TBCD: variants seen among roughly 807,000 people sequenced by gnomAD.
TBCD encodes the protein tubulin folding cofactor D.
In TBCD, 105 loss-of-function variants were observed where a neutral mutation model predicts 169.3. The ratio of observed to expected loss-of-function variants is 0.62; its 90% CI spans 0.53 to 0.73. The LOEUF (loss-of-function observed/expected upper bound fraction) is 0.73, where lower values mean the gene tolerates loss of function less well. Ranked by LOEUF, TBCD falls within the 30% of genes least tolerant of loss-of-function variation. The pLI is 0.00. For missense variants in TBCD, 1,444 were observed against 1,600.1 expected, an observed-to-expected ratio of 0.90 and a Z score of 1.66; for synonymous variants, 700 against 643.9, an observed-to-expected ratio of 1.09 and a Z score of -1.32.
intron 13 of TBCD, among the ~76,000 whole-genome samples, chr17:82,817,455 C>T (rs2052017924): frequency 6.6e-6 from 1 of 152,182 alleles, no homozygotes; most frequent in South Asian, 2.1e-4. Flanking sequence ...TGCCACCATG[C>T]CCAGCTAATT....
At position 82,889,537 on chromosome 17, in the gene TBCD, C is replaced by T. The variant is rs1203156047; in HGVS notation, c.1534-131C>T. 19 of 1,097,138 alleles carry T rather than the reference C, an allele frequency of 1.7e-5. No individual in the cohort carries two copies. The highest frequency in any genetic ancestry group is 2.5e-5 in the Non-Finnish European group (19 of 745,518). 68.0% of individuals were successfully genotyped at this position (1,097,138 alleles called of 1,614,324 possible). On this transcript the variant is annotated intron_variant, in intron 15 of 38. Coordinates refer to ENST00000355528, the MANE Select transcript of TBCD (RefSeq NM_005993.5). This position sits in a 1 kb window ranked among gnomAD's most constrained non-coding sequence, Gnocchi z 5.3. Reference sequence around the variant, plus strand: ...GACGCACCTTGAGGCTCTGTTCAGCCAACAATGAGGGCTTTTATTTAAAAA... The same window carrying T: ...GACGCACCTTGAGGCTCTGTTCAGCTAACAATGAGGGCTTTTATTTAAAAA...
At chr17:82,809,642 G>A (rs931183549) in intron 11 of TBCD, 66 bp from the exon 12 acceptor site, 87 of 1,525,584 alleles carry the variant, frequency 5.7e-5, no homozygotes, top group Non-Finnish European at 7.4e-5. Context: ...CCATTCACAC[G>A]TGTCACGCAT....
intron 16 of TBCD, among the ~76,000 whole-genome samples, chr17:82,892,072 C>G (rs1288239919): frequency 6.6e-6 from 1 of 152,152 alleles, no homozygotes. Context: ...CTCAGGGCAG[C>G]TGAGCCCGCT....
chr17:82,808,404 A>G (rs1335356876), intron 11 of TBCD, among the ~76,000 whole-genome samples: 2 of 100,174 alleles, frequency 2.0e-5, no homozygotes, highest in Non-Finnish European at 3.9e-5. Context: ...CCTGCTGTGG[A>G]GAGGATGAGG....
At chr17:82,859,581 G>A (rs1341728617) in intron 13 of TBCD, 1 of 985,338 alleles carries the variant, frequency 1.0e-6, no homozygotes, top group Non-Finnish European at 1.2e-6. Context: ...TTGCTCTGTG[G>A]TTTCCGGCAC....
rs567137537 is a variant in TBCD, at chr17:82,755,418, A to G, written c.185-747A>G. Among the ~76,000 whole-genome samples, 22 of 152,378 alleles carry G rather than the reference A, an allele frequency of 1.4e-4. No individual in the cohort carries two copies. In the South Asian group the frequency reaches 1.9e-3, roughly 13 times the overall value. On this transcript the variant is annotated intron_variant, in intron 1 of 38. Transcript: ENST00000355528. ...TTTTCCCAGCAAGAGACAACTTAGC[A>G]GAACCATTTCAAAATATGTCAAATA... is the stretch of plus-strand genomic sequence containing the variant.
rs759802666 is a variant in TBCD, at chr17:82,782,382, G to A, written c.771+661G>A. ...CCGGCAGCCGGCTGTGGCCTTTGGC[G>A]TGGTGGGTTCAGCGCCTTCTTCTCT... On this transcript the variant is annotated intron_variant, in intron 7 of 38. Transcript: ENST00000355528. This position sits in a 1 kb window ranked among gnomAD's most constrained non-coding sequence, Gnocchi z 5.1. Among the ~76,000 whole-genome samples the A allele has an allele frequency of 3.9e-5, 6 of 152,376 alleles. No homozygotes were observed. The highest frequency in any genetic ancestry group is 7.3e-5 in the Non-Finnish European group (5 of 68,034).
In TBCD at chr17:82,930,699, A is replaced by T; in HGVS notation, c.3113+56A>T. ...GTGAGTGGTGCTGGTGCCTCTCACC[A>T]CGTTCCCACAGATTCCCGGGGTCTC... On this transcript the variant is annotated intron_variant, in intron 33 of 38. Coordinates refer to ENST00000355528, the MANE Select transcript of TBCD (RefSeq NM_005993.5). The surrounding 1 kb of genome is among the most constrained non-coding windows in gnomAD (Gnocchi z 5.2). 1 of 1,610,134 alleles carries T rather than the reference A, an allele frequency of 6.2e-7. No homozygotes were observed. The highest frequency in any genetic ancestry group is 1.1e-5 in the South Asian group (1 of 90,848).
chr17:82,837,358 T>C (rs1488386231), intron 13 of TBCD, among the ~76,000 whole-genome samples: 1 of 152,218 alleles, frequency 6.6e-6, no homozygotes, highest in African/African-American at 2.4e-5. Flanking sequence ...CTGCTGGTGT[T>C]AAATATTCCC....
At chr17:82,935,297 C>T (rs532430532) in intron 34 of TBCD, among the ~76,000 whole-genome samples, 1 of 152,244 alleles carries the variant, frequency 6.6e-6, no homozygotes, top group African/African-American at 2.4e-5. Flanking sequence ...TTTTTTCCAT[C>T]GTTTTACTTT....
intron 2 of TBCD, among the ~76,000 whole-genome samples, chr17:82,758,400 A>AAAAAAAAAAAAAAATAAAT (rs1035939621): frequency 4.0e-5 from 4 of 100,052 alleles, no homozygotes; most frequent in Admixed American, 2.8e-4. Flanking sequence ...AAAAAAAAAA[A>AAAAAAAAAAAAAAATAAAT]AAATAAATAA....
intron 5 of TBCD, among the ~76,000 whole-genome samples, chr17:82,772,108 A>G (rs1266802094): frequency 6.6e-6 from 1 of 152,152 alleles, no homozygotes; most frequent in Non-Finnish European, 1.5e-5. Context: ...TGGAAGGCAT[A>G]TTAGGTGCTC....
intron 1 of TBCD, among the ~76,000 whole-genome samples, chr17:82,753,532 C>T (rs953795238): frequency 3.4e-5 from 5 of 146,762 alleles, no homozygotes; most frequent in African/African-American, 1.0e-4. Flanking sequence ...TCTTGGCTCA[C>T]TGCAACCTCA....
intron 26 of TBCD, 88 bp from the exon 27 acceptor site, chr17:82,924,851 C>A (rs2061623480): frequency 6.4e-6 from 7 of 1,091,324 alleles, no homozygotes; most frequent in African/African-American, 6.3e-5. Context: ...TTCACTGTGG[C>A]TTTGCTCCTG....
intron 5 of TBCD, among the ~76,000 whole-genome samples, chr17:82,770,260 TGATA>T (rs1208140677): frequency 3.3e-5 from 5 of 152,340 alleles, no homozygotes; most frequent in South Asian, 4.1e-4. Context: ...AAATTCTCTC[TGATA>T]GATGGATGTT....
At chr17:82,875,705 G>C (rs928196932) in intron 14 of TBCD, among the ~76,000 whole-genome samples, 2 of 152,238 alleles carry the variant, frequency 1.3e-5, no homozygotes, top group Non-Finnish European at 2.9e-5. Context: ...TCAGAGCTAC[G>C]TCTTGTTCTC....
In TBCD at chr17:82,889,515, G is replaced by A. The variant is rs939216215; in HGVS notation, c.1534-153G>A. Among the ~76,000 whole-genome samples, 2 of 152,132 alleles carry A rather than the reference G, an allele frequency of 1.3e-5. No homozygotes were observed. Among genetic ancestry groups the A allele is most frequent in the African/African-American group, 2.4e-5 (1 of 41,418 alleles). ...CACCAGGACGTAAAAACAGAGTGAC[G>A]CACCTTGAGGCTCTGTTCAGCCAAC... On this transcript the variant is annotated intron_variant, in intron 15 of 38. Transcript: ENST00000355528. The surrounding 1 kb of genome is among the most constrained non-coding windows in gnomAD (Gnocchi z 5.3).
chr17:82,790,666 C>T (rs1174446756), intron 7 of TBCD, among the ~76,000 whole-genome samples: 1 of 152,184 alleles, frequency 6.6e-6, no homozygotes, highest in Non-Finnish European at 1.5e-5. Flanking sequence ...TCAGCAGCGC[C>T]GTCCGGGGGA....
At chr17:82,752,622 C>T (rs996574192) in intron 1 of TBCD, among the ~76,000 whole-genome samples, 1 of 152,148 alleles carries the variant, frequency 6.6e-6, no homozygotes, top group Non-Finnish European at 1.5e-5. Context: ...CGCGGAGCGC[C>T]TGCTCTCGCA....
Sources: gnomAD v4.1 joint callset for allele counts (sites outside exome capture counted in the v4.1 genomes callset) on GRCh38, gnomAD v4.1.1 for gene constraint, Gnocchi (gnomAD v3.1) non-coding constraint, MANE v1.5 for transcripts, NCBI Gene and HGNC (gene_info 2026-07-23, HGNC 2026-07-21) for gene names.